Variants in NLRP1 observed in about 807,000 individuals in gnomAD.
NLRP1 encodes the protein NLR family pyrin domain containing 1, also known as NACHT, LRR and PYD domains-containing protein 1.
NLRP1 carries 94 observed loss-of-function variants against 136.7 expected under a neutral mutation model. That is an observed-to-expected ratio of 0.69 (90% CI 0.58 to 0.82). NLRP1 has a LOEUF of 0.82. Ranked by LOEUF, NLRP1 falls within the 40% of genes least tolerant of loss-of-function variation. The probability of loss-of-function intolerance (pLI) is 0.00; values close to 1 mark genes in which losing one functional copy is unlikely to be tolerated. For missense variants in NLRP1, 1,575 were observed against 1,802.7 expected, an observed-to-expected ratio of 0.87 and a Z score of 2.29; for synonymous variants, 690 against 725.1, an observed-to-expected ratio of 0.95 and a Z score of 0.78.
chr17:5,577,592 G>A (rs1033686448), intron 3 of NLRP1, among the ~76,000 whole-genome samples: 12 of 152,176 alleles, frequency 7.9e-5, no homozygotes, highest in African/African-American at 2.7e-4. Flanking sequence ...ACAAACCACT[G>A]CTCAATGAAA....
In NLRP1 at chr17:5,558,598, G is replaced by A; in HGVS notation, c.2098C>T (p.Leu700=). ...TGCAGGGACGGGACCCACTGCATCA[G>A]GTTCCTCCCCTGAGACAGCCGGCAG... ...FHCRLSQGRN[L]MQWVPSLQLL... The change falls in exon 4 of 17, where the codon CTG becomes TTG. Residue 700 remains leucine (L), a synonymous_variant. Transcript: ENST00000572272. 1 of 1,614,090 alleles carries A rather than the reference G, an allele frequency of 6.2e-7. No homozygotes were observed. The highest frequency in any genetic ancestry group is 8.5e-7 in the Non-Finnish European group (1 of 1,180,018).
At chr17:5,549,429 C>A (rs1913058736) in intron 5 of NLRP1, among the ~76,000 whole-genome samples, 1 of 152,018 alleles carries the variant, frequency 6.6e-6, no homozygotes, top group African/African-American at 2.4e-5. Context: ...TGGGCGTGTG[C>A]CACCACGCCC....
intron 15 of NLRP1, among the ~76,000 whole-genome samples, chr17:5,506,734 A>G: frequency 8.4e-6 from 1 of 119,332 alleles, no homozygotes; most frequent in Admixed American, 7.5e-5. Context: ...TCTACTAAAA[A>G]TACAAAAAAA....
At chr17:5,566,994 T>C (rs1915409574) in intron 3 of NLRP1, among the ~76,000 whole-genome samples, 1 of 152,152 alleles carries the variant, frequency 6.6e-6, no homozygotes, top group Non-Finnish European at 1.5e-5. Context: ...TTCTGCTCTT[T>C]TTTGTTTTCC....
chr17:5,512,338 T>C, downstream of NLRP1: 1 of 1,337,728 alleles, frequency 7.5e-7, no homozygotes, highest in Non-Finnish European at 1.1e-6. Context: ...CGGGTCTACT[T>C]TAGCCTTACA....
In NLRP1 at chr17:5,539,592, G is replaced by T; in HGVS notation, c.2700-7C>A. The T allele has an allele frequency of 6.2e-7, 1 of 1,605,114 alleles. No homozygotes were observed. The highest frequency in any genetic ancestry group is 8.5e-7 in the Non-Finnish European group (1 of 1,176,084). ...GAGGCCACAGCTGACCAGCCTGCAG[G>T]AAAGATACACGCCAGCCCAGGTCAT... On this transcript the variant is annotated splice_polypyrimidine_tract_variant and splice_region_variant and intron_variant, in intron 6 of 16. Transcript: ENST00000572272.
At chr17:5,515,360 T>C in intron 16 of NLRP1, 113 bp downstream of exon 16, 1 of 951,500 alleles carries the variant, frequency 1.1e-6, no homozygotes. Flanking sequence ...GGCCTGACTC[T>C]TTGTGAGGTT....
chr17:5,559,012 G>T lies in NLRP1; in HGVS notation c.1684C>A (p.Gln562Lys). 6.2e-7 allele frequency: 1 copy of T among 1,614,148 alleles called. No homozygotes were observed. Among genetic ancestry groups the T allele is most frequent in the Non-Finnish European group, 8.5e-7 (1 of 1,180,022 alleles). The change falls in exon 4 of 17, where the codon CAG (glutamine) becomes AAG (lysine). Residue 562 changes from glutamine to lysine, a missense_variant. Coordinates refer to ENST00000572272, the MANE Select transcript of NLRP1 (RefSeq NM_033004.4). ...TCTCTGAGCTGGGGTCCCAATGGCT[G>T]AGCTTGGAGAGCCTGGGCAAGGTAA... ...LHYLAQALQA[Q>K]PLGPQLRDLC...
chr17:5,566,413 A>G (rs1361383723), intron 3 of NLRP1, among the ~76,000 whole-genome samples: 1 of 152,014 alleles, frequency 6.6e-6, no homozygotes, highest in Non-Finnish European at 1.5e-5. Context: ...TAATTTCTTC[A>G]TTGACCCACT....
chr17:5,557,945 G>A (rs1364519783), intron 4 of NLRP1, among the ~76,000 whole-genome samples: 5 of 152,176 alleles, frequency 3.3e-5, no homozygotes, highest in Middle Eastern at 3.2e-3. Flanking sequence ...CAATTTCTCC[G>A]AGAGAATGAA....
At chr17:5,564,106 A>G (rs1915061395) in intron 3 of NLRP1, among the ~76,000 whole-genome samples, 1 of 152,232 alleles carries the variant, frequency 6.6e-6, no homozygotes, top group Non-Finnish European at 1.5e-5. Flanking sequence ...ATGGGGATCC[A>G]TGAGATGGTT....
chr17:5,530,179 C>T, intron 12 of NLRP1: 1 of 492,600 alleles, frequency 2.0e-6, no homozygotes, highest in East Asian at 4.9e-5. Context: ...TCAAAAATCT[C>T]AACTGAGCAT....
intron 3 of NLRP1, among the ~76,000 whole-genome samples, chr17:5,568,321 C>T (rs2151814614): frequency 6.6e-6 from 1 of 152,232 alleles, no homozygotes; most frequent in East Asian, 1.9e-4. Context: ...CTTTCTTCTG[C>T]TGGATCCATT....
rs200212388 is a variant in NLRP1, at chr17:5,514,388, C to T, written c.*366G>A. The T allele has an allele frequency of 2.4e-5, 26 of 1,084,294 alleles. No individual in the cohort carries two copies. In the South Asian group the frequency reaches 7.5e-4, roughly 31 times the overall value. 67.2% of individuals were successfully genotyped at this position (1,084,294 alleles called of 1,614,324 possible). On this transcript the variant is annotated 3_prime_UTR_variant, in exon 17 of 17. Transcript: ENST00000572272. ...CACGCTGAACCCCAATTTTGGGGCT[C>T]ACCCTGTGACACAGCCAGAGGCAAA...
Position 5,521,609 on chromosome 17 carries a change from G to C in NLRP1, c.3698C>G (p.Ser1233Cys). Residue 1233 changes from serine to cysteine, a missense_variant, in exon 13 of 17, where the codon TCT (serine) becomes TGT (cysteine). Coordinates refer to ENST00000572272, the MANE Select transcript of NLRP1 (RefSeq NM_033004.4). ...HNALRFIPVT[S>C]VVLLYHRVHP... ...GACGCGGTGGTAAAGCAACACCACA[G>C]AGGTGACGGGAATGAAGCGCAGGGC... 1.2e-6 allele frequency: 2 copies of C among 1,614,176 alleles called. No homozygotes were observed. The highest frequency in any genetic ancestry group is 1.7e-6 in the Non-Finnish European group (2 of 1,180,032).
In NLRP1 at chr17:5,584,120, A is replaced by G. The variant is rs989992935; in HGVS notation, c.-163T>C. On this transcript the variant is annotated 5_prime_UTR_variant, in exon 1 of 17. Transcript: ENST00000572272. ...CCAGGGCACCTACAGATAGACGCCG[A>G]TAGAGGGGGAGTGGTAGGAAAAGCC... The G allele has an allele frequency of 4.4e-6, 3 of 679,490 alleles. No homozygotes were observed. The highest frequency in any genetic ancestry group is 7.3e-6 in the Non-Finnish European group (3 of 410,288). The allele number at this position is 679,490 out of a possible 1,614,324, so 42.1% of individuals were successfully genotyped here. A position where few individuals can be genotyped will look rare whatever the true frequency, so the allele number is the denominator to read the frequency against.
intron 8 of NLRP1, among the ~76,000 whole-genome samples, chr17:5,534,243 A>G (rs1910735987): frequency 6.6e-6 from 1 of 152,056 alleles, no homozygotes; most frequent in African/African-American, 2.4e-5. Context: ...GGTGGCATGC[A>G]CCTGTATCCC....
At chr17:5,555,012 T>A (rs1177230463) in intron 4 of NLRP1, among the ~76,000 whole-genome samples, 1 of 112,802 alleles carries the variant, frequency 8.9e-6, no homozygotes, top group Non-Finnish European at 1.7e-5. Context: ...CACAGTGAGA[T>A]CCCATCACAC....
At chr17:5,530,404 A>G in intron 12 of NLRP1, 77 bp downstream of exon 12, 1 of 1,353,898 alleles carries the variant, frequency 7.4e-7, no homozygotes, top group East Asian at 2.3e-5. Flanking sequence ...ACCCTCTCCC[A>G]GGAGATTATC....
Sources: allele counts gnomAD v4.1 joint callset (sites outside exome capture counted in the v4.1 genomes callset), GRCh38; gene constraint gnomAD v4.1.1; transcripts MANE v1.5; gene names NCBI Gene and HGNC (gene_info 2026-07-23, HGNC 2026-07-21).